Variants in NLRC3 observed in about 807,000 individuals in gnomAD.
The protein encoded by NLRC3 is NLR family CARD domain-containing protein 3.
In NLRC3, 87 loss-of-function variants were observed where a neutral mutation model predicts 91.6. That is an observed-to-expected ratio of 0.95 (90% CI 0.80 to 1.14). The LOEUF is 1.14. Ranked by LOEUF, NLRC3 falls within the 50% of genes most tolerant of loss-of-function variation. NLRC3 has a pLI of 0.00. For missense variants in NLRC3, 1,577 were observed against 1,418.6 expected (o/e 1.11, Z -1.79); for synonymous variants, 694 against 625.3 (o/e 1.11, Z -1.64).
At chr16:3,548,543 G>A (rs571625891) in intron 14 of NLRC3, 127 bp downstream of exon 14, 38 of 700,310 alleles carry the variant, frequency 5.4e-5, no homozygotes, top group African/African-American at 5.1e-4. Flanking sequence ...AGGCTAGCCC[G>A]GGCAGCCCCT....
At chr16:3,549,619 G>T in intron 12 of NLRC3, 78 bp downstream of exon 12, 1 of 1,095,404 alleles carries the variant, frequency 9.1e-7, no homozygotes, top group Non-Finnish European at 1.4e-6. Flanking sequence ...CCTGAGACAG[G>T]CTTCCCAGTG....
chr16:3,562,875 A>T, intron 5 of NLRC3, 134 bp downstream of exon 5: 1 of 853,816 alleles, frequency 1.2e-6, no homozygotes, highest in Non-Finnish European at 1.9e-6. Flanking sequence ...TAGTTGTTTT[A>T]AGCCACCAAG....
At chr16:3,554,159 T>C (rs926562527) in intron 9 of NLRC3, 83 bp downstream of exon 9, 7 of 1,064,722 alleles carry the variant, frequency 6.6e-6, no homozygotes, top group Non-Finnish European at 1.0e-5. Flanking sequence ...CATCCATTCT[T>C]CCTAGCAGGT....
At chr16:3,557,143 T>C (rs2039380343) in intron 7 of NLRC3, 149 bp from the exon 8 acceptor site, 2 of 625,294 alleles carry the variant, frequency 3.2e-6, no homozygotes, top group Non-Finnish European at 5.7e-6. Context: ...AGGGCAGAGA[T>C]CCTTATATAA....
Position 3,563,655 on chromosome 16 carries a change from C to T in NLRC3, c.1282G>A (p.Ala428Thr), listed in dbSNP as rs774339543. ...CTGCACGGGGCGCCCTGCAGCAGAG[C>T]GAGGTCTACACCAAACGCCTTCATG... ...QDMKAFGVDL[A>T]LLQGAPCSCF... The change falls in exon 5 of 20, where the codon GCT (alanine) becomes ACT (threonine). Residue 428 changes from alanine to threonine, a missense_variant. Transcript: ENST00000359128. The T allele has an allele frequency of 1.7e-5, 27 of 1,613,604 alleles. No homozygotes were observed. The Admixed American group carries it at 2.5e-4, about 15-fold the overall frequency.
intron 15 of NLRC3, 37 bp downstream of exon 15, chr16:3,548,098 A>G (rs2038791982): frequency 7.0e-7 from 1 of 1,426,092 alleles, no homozygotes; most frequent in African/African-American, 1.4e-5. Flanking sequence ...TGTCCTCAAC[A>G]GCCCCCGCCC....
chr16:3,543,974 T>C, intron 16 of NLRC3: 1 of 420,766 alleles, frequency 2.4e-6, no homozygotes, highest in Non-Finnish European at 4.3e-6. Context: ...GCCAATATGG[T>C]GAAACCCCGT....
At chr16:3,559,799 G>A (rs1446473633) in intron 6 of NLRC3, among the ~76,000 whole-genome samples, 4 of 151,572 alleles carry the variant, frequency 2.6e-5, no homozygotes, top group Admixed American at 6.6e-5. Flanking sequence ...CCACCACCAC[G>A]ACTGGCTAAT....
Position 3,557,533 on chromosome 16 carries a change from A to G in NLRC3, c.2099+60T>C, listed in dbSNP as rs963237432. On this transcript the variant is annotated intron_variant, in intron 7 of 19. Coordinates refer to ENST00000359128, the MANE Select transcript of NLRC3 (RefSeq NM_178844.4). ...CCTAGGAGGGAGGGGACTTCACAAG[A>G]TGCCTCACAACTCTTCTGGTTCCAA... is the stretch of plus-strand genomic sequence containing the variant. The G allele has an allele frequency of 1.4e-5, 14 of 1,030,182 alleles. No homozygotes were observed. In the Admixed American group the frequency reaches 2.7e-4, roughly 20 times the overall value. 63.8% of individuals were successfully genotyped at this position (1,030,182 alleles called of 1,614,324 possible).
rs754117545 is a variant in NLRC3 at position 3,565,001 on chromosome 16, G to A, written c.36C>T (p.Ala12=). 1.8e-5 allele frequency: 29 copies of A among 1,610,264 alleles called. No individual in the cohort carries two copies. The highest frequency in any genetic ancestry group is 2.4e-5 in the Non-Finnish European group (28 of 1,179,732). The part of the protein sequence containing the change: ...RKQEVRTGRE[A]GQGHGTGSPA... ...GGGAGCCCGTACCGTGGCCCTGGCC[G>A]GCCTCCCTGCCCGTCCGCACCTCTT... The change falls in exon 4 of 20, where the codon GCC becomes GCT. Residue 12 remains alanine, a synonymous_variant. Transcript: ENST00000359128.
In NLRC3 at chr16:3,563,533, A is replaced by C. The variant is rs1259371369; in HGVS notation, c.1404T>G (p.Tyr468Ter). Residue 468 changes from tyrosine to a stop codon, truncating the protein, a stop_gained, in exon 5 of 20, where the codon TAT (tyrosine) becomes TAG (stop). Coordinates refer to ENST00000359128, the MANE Select transcript of NLRC3 (RefSeq NM_178844.4). LOFTEE classifies it high-confidence loss of function. Reference sequence around the variant, plus strand: ...CGAAGATGGCCCTCCTGGATGCGCCATAGTAATACGCGGCTGCCACAAACT... The same window carrying C: ...CGAAGATGGCCCTCCTGGATGCGCCCTAGTAATACGCGGCTGCCACAAACT... ...LQEFVAAAYY[Y>*]GASRRAIFDL... The C allele has an allele frequency of 3.7e-6, 6 of 1,608,646 alleles. No individual in the cohort carries two copies. Among genetic ancestry groups the C allele is most frequent in the Non-Finnish European group, 5.1e-6 (6 of 1,177,904 alleles).
intron 16 of NLRC3, chr16:3,543,772 T>C: frequency 2.0e-6 from 1 of 509,822 alleles, no homozygotes; most frequent in Non-Finnish European, 3.6e-6. Flanking sequence ...TCCTCATTAC[T>C]ACTCTCTAGG....
In NLRC3 at chr16:3,551,377, T is replaced by TATCCACCC. The variant is rs1256740187; in HGVS notation, c.2351+811_2351+818dup. On this transcript the variant is annotated intron_variant, in intron 10 of 19. Coordinates refer to ENST00000359128, the MANE Select transcript of NLRC3 (RefSeq NM_178844.4). The stretch of plus-strand genomic sequence containing the variant: ...CCATCCATTCACGTACCCATCCACC[T>TATCCACCC]ATCCACCCATCCCTCTCTACCCACC... Among the ~76,000 whole-genome samples, 414 of 142,184 alleles carry TATCCACCC rather than the reference T, an allele frequency of 2.9e-3. 1 individual carries two copies. Among genetic ancestry groups the TATCCACCC allele is most frequent in the Middle Eastern group, 0.013 (3 of 236 alleles). The allele number at this position is 142,184 out of a possible 152,430, so 93.3% of individuals were successfully genotyped here. A position where few individuals can be genotyped will look rare whatever the true frequency, so the allele number is the denominator to read the frequency against.
Position 3,563,462 on chromosome 16 carries a change from A to G in NLRC3, c.1475T>C (p.Leu492Pro), listed in dbSNP as rs1235463788. The G allele has an allele frequency of 1.9e-6, 3 of 1,583,132 alleles. No homozygotes were observed. Among genetic ancestry groups the G allele is most frequent in the Non-Finnish European group, 1.7e-6 (2 of 1,165,066 alleles). ...CTGGGCTGCGCTCCTGAAATGCGTG[A>G]GGAAGCCCAGCCTGGGCCAGGATAC... ...SGVSWPRLGF[L>P]THFRSAAQRA... The change falls in exon 5 of 20, where the codon CTC becomes CCC. Residue 492 changes from leucine (L) to proline (P), a missense_variant. Leu to Pro is a moderately conservative substitution (Grantham distance 98). Transcript: ENST00000359128.
intron 11 of NLRC3, among the ~76,000 whole-genome samples, chr16:3,550,177 G>T (rs1250772160): frequency 1.3e-5 from 2 of 152,208 alleles, no homozygotes; most frequent in African/African-American, 4.8e-5. Context: ...AGCCACCCAT[G>T]CTGGCTTCTC....
chr16:3,541,626 C>G lies in NLRC3; in HGVS notation c.*199G>C, dbSNP rs919432455. On this transcript the variant is annotated 3_prime_UTR_variant, in exon 20 of 20. Transcript: ENST00000359128. Reference sequence around the variant, plus strand: ...TGCCATAACAGAGTACCCGTCACCCCCTGCCTGGACCACTCCTGCAGCAGA... The same window carrying G: ...TGCCATAACAGAGTACCCGTCACCCGCTGCCTGGACCACTCCTGCAGCAGA... 1.5e-5 allele frequency: 9 copies of G among 592,594 alleles called. No homozygotes were observed. The highest frequency in any genetic ancestry group is 2.4e-5 in the Non-Finnish European group (8 of 333,104). 36.7% of individuals were successfully genotyped at this position (592,594 alleles called of 1,614,324 possible).
chr16:3,548,270 T>G, intron 14 of NLRC3, 52 bp from the exon 15 acceptor site: 1 of 1,440,050 alleles, frequency 6.9e-7, no homozygotes, highest in South Asian at 1.2e-5. Context: ...TATGTGGCCC[T>G]GGGGCAGAGC....
rs755349803 is a variant in NLRC3, at chr16:3,563,090, T to C, written c.1847A>G (p.Gln616Arg). The change falls in exon 5 of 20, where the codon CAG (glutamine) becomes CGG (arginine). Residue 616 changes from glutamine (Q) to arginine (R), a missense_variant. Coordinates refer to ENST00000359128, the MANE Select transcript of NLRC3 (RefSeq NM_178844.4). The stretch of plus-strand genomic sequence containing the variant: ...GAGGCTCAGGGACAGGTTGGCCTCC[T>C]GGGCACAGGCGTCGGACACCTGCAG... ...YLLQVSDACA[Q>R]EANLSLSLSQ... 41 of 1,573,410 alleles carry C rather than the reference T, an allele frequency of 2.6e-5. No individual in the cohort carries two copies. The highest frequency in any genetic ancestry group is 3.4e-5 in the Non-Finnish European group (39 of 1,160,178).
chr16:3,566,976 G>A (rs1043326367), intron 2 of NLRC3, among the ~76,000 whole-genome samples: 1 of 152,162 alleles, frequency 6.6e-6, no homozygotes, highest in African/African-American at 2.4e-5. Flanking sequence ...AGGAGAAAAC[G>A]CTGGTTCTCA....
Sources: gnomAD v4.1 joint callset for allele counts (sites outside exome capture counted in the v4.1 genomes callset) on GRCh38, gnomAD v4.1.1 for gene constraint, MANE v1.5 for transcripts, NCBI Gene and HGNC (gene_info 2026-07-23, HGNC 2026-07-21) for gene names.